Variants in LNP1 observed in about 807,000 individuals in gnomAD.
LNP1 encodes leukemia NUP98 fusion partner 1.
Under a neutral mutation model 14.5 loss-of-function variants are expected in LNP1, and 12 were observed. The observed-to-expected ratio is 0.83, with a 90% confidence interval of 0.53 to 1.34. The LOEUF (loss-of-function observed/expected upper bound fraction) is 1.34. Ranked by LOEUF, LNP1 falls within the 40% of genes most tolerant of loss-of-function variation. The pLI is 0.00. For missense variants in LNP1, 198 were observed against 210.9 expected, an observed-to-expected ratio of 0.94 and a Z score of 0.38; for synonymous variants, 75 against 71.4, an observed-to-expected ratio of 1.05 and a Z score of -0.26.
At chr3:100,436,219 T>C (rs1707292810) in intron 2 of LNP1, among the ~76,000 whole-genome samples, 1 of 152,160 alleles carries the variant, frequency 6.6e-6, no homozygotes, top group African/African-American at 2.4e-5. Flanking sequence ...TATAATTAGG[T>C]ATCTTATTGC....
intron 1 of LNP1, among the ~76,000 whole-genome samples, chr3:100,423,612 G>A (rs189975131): frequency 5.1e-4 from 78 of 152,288 alleles, no homozygotes; most frequent in East Asian, 1.3e-3. Context: ...GGGCACCCAT[G>A]ATATCCGTTC....
chr3:100,404,808 T>TTTC (rs956611751), intron 1 of LNP1, among the ~76,000 whole-genome samples: 3 of 151,064 alleles, frequency 2.0e-5, no homozygotes, highest in African/African-American at 4.9e-5. Flanking sequence ...TTTTTTTTTT[T>TTTC]CCAAGATGGA....
At chr3:100,417,587 C>G (rs1343700887) in intron 1 of LNP1, among the ~76,000 whole-genome samples, 1 of 151,834 alleles carries the variant, frequency 6.6e-6, no homozygotes. Context: ...CCATGTTGGT[C>G]AGGCCGGTCT....
intron 2 of LNP1, among the ~76,000 whole-genome samples, chr3:100,444,130 T>C (rs1454760890): frequency 6.6e-6 from 1 of 152,214 alleles, no homozygotes. Context: ...TCTATTCTGA[T>C]GTCACTGTCT....
intron 1 of LNP1, among the ~76,000 whole-genome samples, chr3:100,415,862 C>T (rs1015109059): frequency 2.6e-5 from 4 of 152,166 alleles, no homozygotes; most frequent in African/African-American, 9.7e-5. Context: ...ATCACAAATC[C>T]TCTTCTACCA....
At chr3:100,417,967 A>AT (rs1420206737) in intron 1 of LNP1, among the ~76,000 whole-genome samples, 2 of 146,506 alleles carry the variant, frequency 1.4e-5, no homozygotes, top group East Asian at 2.0e-4. Context: ...TTCTGACATG[A>AT]TTTTTTCTCT....
chr3:100,455,697 C>A, intron 3 of LNP1, 80 bp from the exon 4 acceptor site: 2 of 1,367,218 alleles, frequency 1.5e-6, no homozygotes, highest in Non-Finnish European at 2.1e-6. Context: ...GGGCTTTCTC[C>A]ATGTCTGATT....
chr3:100,443,032 C>T (rs1206455587), intron 2 of LNP1, among the ~76,000 whole-genome samples: 3 of 152,156 alleles, frequency 2.0e-5, no homozygotes, highest in East Asian at 1.9e-4. Flanking sequence ...GAAGTCCATA[C>T]ATCAGTAGGC....
intron 1 of LNP1, among the ~76,000 whole-genome samples, chr3:100,419,599 G>T (rs553652293): frequency 4.9e-4 from 75 of 152,204 alleles, no homozygotes; most frequent in African/African-American, 1.7e-3. Context: ...TCATCAGAAA[G>T]CTTCCTCAAA....
intron 1 of LNP1, among the ~76,000 whole-genome samples, chr3:100,422,544 TA>T (rs1707153972): frequency 6.6e-6 from 1 of 152,162 alleles, no homozygotes; most frequent in African/African-American, 2.4e-5. Context: ...GTCAACCAAC[TA>T]ATAACACTTT....
Position 100,455,924 on chromosome 3 carries a change from T to G in LNP1, c.535T>G (p.Ter179GluextTer7). 6.2e-7 allele frequency: 1 copy of G among 1,607,140 alleles called. No homozygotes were observed. The highest frequency in any genetic ancestry group is 1.1e-5 in the South Asian group (1 of 90,060). Reference protein sequence around the residue: ...MAPLFEKGPE* With the variant: ...MAPLFEKGPEE ...TCCCCTGTTTGAAAAAGGGCCTGAATAATACTCTGCTTCTGCCTCATGACA... is the reference window on the plus strand; with the variant it reads ...TCCCCTGTTTGAAAAAGGGCCTGAAGAATACTCTGCTTCTGCCTCATGACA... The change falls in exon 4 of 4, where the codon TAA becomes GAA. Residue 179 changes from the stop codon to glutamate, a stop_lost. Transcript: ENST00000383693.
intron 2 of LNP1, among the ~76,000 whole-genome samples, chr3:100,439,533 C>A (rs1242980160): frequency 6.6e-6 from 1 of 152,176 alleles, no homozygotes; most frequent in Non-Finnish European, 1.5e-5. Flanking sequence ...TGTCCTCTAA[C>A]CCTTGCTCAT....
At chr3:100,455,193 T>C (rs1707498936) in intron 3 of LNP1, among the ~76,000 whole-genome samples, 1 of 152,188 alleles carries the variant, frequency 6.6e-6, no homozygotes, top group Admixed American at 6.5e-5. Flanking sequence ...AGGTGTAATA[T>C]CTAGGAAGTA....
chr3:100,437,930 G>A (rs1707306582), intron 2 of LNP1, among the ~76,000 whole-genome samples: 1 of 152,178 alleles, frequency 6.6e-6, no homozygotes, highest in Non-Finnish European at 1.5e-5. Flanking sequence ...AAAGTCACTA[G>A]TCACATAAGT....
chr3:100,427,043 T>C (rs1707199415), intron 1 of LNP1, among the ~76,000 whole-genome samples: 1 of 152,054 alleles, frequency 6.6e-6, no homozygotes, highest in African/African-American at 2.4e-5. Flanking sequence ...ACATTATACC[T>C]GGTGAGAGAT....
intron 2 of LNP1, among the ~76,000 whole-genome samples, chr3:100,436,582 T>C (rs1489239094): frequency 6.6e-6 from 1 of 152,184 alleles, no homozygotes; most frequent in Non-Finnish European, 1.5e-5. Flanking sequence ...CTTCAGCTAA[T>C]TACTGCACAA....
intron 1 of LNP1, among the ~76,000 whole-genome samples, chr3:100,417,679 G>T (rs984713272): frequency 6.6e-6 from 1 of 151,548 alleles, no homozygotes; most frequent in East Asian, 1.9e-4. Context: ...TCGCACTGCC[G>T]GTATACTTTT....
rs1320738610 is a variant in LNP1 at position 100,401,566 on chromosome 3, C to T, written c.-907C>T. 6.5e-6 allele frequency: 1 copy of T among 152,996 alleles called. No homozygotes were observed. Among genetic ancestry groups the T allele is most frequent in the Non-Finnish European group, 1.5e-5 (1 of 68,532 alleles). The allele number at this position is 152,996 out of a possible 1,614,324, so 9.5% of individuals were successfully genotyped here. A position where few individuals can be genotyped will look rare whatever the true frequency, so the allele number is the denominator to read the frequency against. On this transcript the variant is annotated 5_prime_UTR_variant, in exon 1 of 4. Coordinates refer to ENST00000383693, the MANE Select transcript of LNP1 (RefSeq NM_001085451.2). Reference sequence around the variant, plus strand: ...TTTTCCAGTTATAGCCACGTTGGCACCTCTTGAACCTCTGTGGCCGTTAGC... The same window carrying T: ...TTTTCCAGTTATAGCCACGTTGGCATCTCTTGAACCTCTGTGGCCGTTAGC...
intron 1 of LNP1, among the ~76,000 whole-genome samples, chr3:100,418,448 T>C (rs748731073): frequency 6.6e-6 from 1 of 152,064 alleles, no homozygotes; most frequent in Non-Finnish European, 1.5e-5. Context: ...TTTTTGGTCA[T>C]GCTTTCATTG....
Sources: allele counts gnomAD v4.1 joint callset (sites outside exome capture counted in the v4.1 genomes callset), GRCh38; gene constraint gnomAD v4.1.1; transcripts MANE v1.5; gene names NCBI Gene and HGNC (gene_info 2026-07-23, HGNC 2026-07-21).